XRCC4: variants seen among roughly 807,000 people sequenced by gnomAD.
The protein encoded by XRCC4 is X-ray repair cross complementing 4.
XRCC4 carries 28 observed loss-of-function variants against 39.1 expected under a neutral mutation model. The observed-to-expected ratio is 0.72, with a 90% CI of 0.53 to 0.98. XRCC4 has a LOEUF of 0.98. Ranked by LOEUF, XRCC4 falls within the 50% of genes least tolerant of loss-of-function variation. The probability of loss-of-function intolerance (pLI) is 0.00; values close to 1 mark genes in which losing one functional copy is unlikely to be tolerated. For synonymous variants in XRCC4, 123 were observed against 126.4 expected (o/e 0.97, Z 0.18); for missense variants, 350 against 376.4 (o/e 0.93, Z 0.58).
At chr5:83,284,102 A>C (rs1754654434) in intron 7 of XRCC4, among the ~76,000 whole-genome samples, 1 of 150,892 alleles carries the variant, frequency 6.6e-6, no homozygotes, top group East Asian at 2.0e-4. Context: ...ATGAAAGGTA[A>C]TCAAATACAT....
At chr5:83,243,430 T>C (rs1580416076) in intron 6 of XRCC4, among the ~76,000 whole-genome samples, 1 of 152,360 alleles carries the variant, frequency 6.6e-6, no homozygotes, top group East Asian at 1.9e-4. Flanking sequence ...CCTTCTTCTC[T>C]GTACATACAC....
intron 6 of XRCC4, among the ~76,000 whole-genome samples, chr5:83,253,496 T>TTGTGTG (rs60610512): frequency 1.4e-3 from 206 of 149,694 alleles, no homozygotes; most frequent in African/African-American, 4.8e-3. Context: ...GGGTGTATGT[T>TTGTGTG]TGTGTGTGTG....
At chr5:83,116,563 G>A (rs934136965) in intron 3 of XRCC4, among the ~76,000 whole-genome samples, 4 of 143,144 alleles carry the variant, frequency 2.8e-5, no homozygotes, top group Non-Finnish European at 6.1e-5. Flanking sequence ...TGAAAATCCT[G>A]TCTTATGTTT....
intron 7 of XRCC4, among the ~76,000 whole-genome samples, chr5:83,292,012 G>C (rs1241667357): frequency 6.7e-6 from 1 of 148,476 alleles, no homozygotes; most frequent in Non-Finnish European, 1.5e-5. Context: ...AGAAAGTGTA[G>C]GACTTGAGGA....
chr5:83,326,813 A>G (rs1218961928), intron 7 of XRCC4, among the ~76,000 whole-genome samples: 1 of 152,072 alleles, frequency 6.6e-6, no homozygotes, highest in African/African-American at 2.4e-5. Flanking sequence ...ACAATTTGAC[A>G]CTAGCAAACT....
chr5:83,256,415 A>T (rs569774504), intron 6 of XRCC4, among the ~76,000 whole-genome samples: 1 of 152,288 alleles, frequency 6.6e-6, no homozygotes, highest in Admixed American at 6.5e-5. Flanking sequence ...TTTTATTTTT[A>T]AAAATTTTGC....
intron 7 of XRCC4, among the ~76,000 whole-genome samples, chr5:83,332,837 G>A (rs758766774): frequency 6.6e-6 from 1 of 152,190 alleles, no homozygotes; most frequent in Non-Finnish European, 1.5e-5. Flanking sequence ...AAAAGAAGGA[G>A]AGGCCATTGG....
At chr5:83,278,941 T>G (rs1377550471) in intron 7 of XRCC4, among the ~76,000 whole-genome samples, 1 of 145,362 alleles carries the variant, frequency 6.9e-6, no homozygotes, top group Non-Finnish European at 1.5e-5. Flanking sequence ...TGAGCCGAGA[T>G]CGTGCCACTC....
At chr5:83,241,759 AT>A (rs1752917926) in intron 6 of XRCC4, among the ~76,000 whole-genome samples, 1 of 152,206 alleles carries the variant, frequency 6.6e-6, no homozygotes, top group South Asian at 2.1e-4. Flanking sequence ...CATTTAACAC[AT>A]ATTTTATGTT....
intron 7 of XRCC4, among the ~76,000 whole-genome samples, chr5:83,274,943 G>C (rs1196353915): frequency 6.6e-6 from 1 of 152,158 alleles, no homozygotes; most frequent in Non-Finnish European, 1.5e-5. Flanking sequence ...AAATGGATTT[G>C]GAAGTAAGGA....
chr5:83,260,762 AAT>A (rs1179130959), intron 7 of XRCC4, among the ~76,000 whole-genome samples: 1 of 152,082 alleles, frequency 6.6e-6, no homozygotes, highest in Non-Finnish European at 1.5e-5. Context: ...ATGTTTAGGT[AAT>A]CATGTCAATG....
At chr5:83,251,652 A>T (rs1393366442) in intron 6 of XRCC4, among the ~76,000 whole-genome samples, 1 of 152,052 alleles carries the variant, frequency 6.6e-6, no homozygotes, top group Admixed American at 6.6e-5. Flanking sequence ...GTTTATCCTT[A>T]ATAGCCCACT....
At chr5:83,276,591 G>A (rs184508132) in intron 7 of XRCC4, among the ~76,000 whole-genome samples, 13 of 152,230 alleles carry the variant, frequency 8.5e-5, no homozygotes, top group African/African-American at 2.9e-4. Context: ...GGATTCTACA[G>A]AGGCTTCACC....
intron 1 of XRCC4, among the ~76,000 whole-genome samples, chr5:83,080,027 A>G (rs939039373): frequency 2.6e-5 from 4 of 152,218 alleles, no homozygotes; most frequent in South Asian, 2.1e-4. Flanking sequence ...AATGTTTGGC[A>G]TACAGTAAGC....
At chr5:83,103,899 G>C (rs1212867960) in intron 1 of XRCC4, among the ~76,000 whole-genome samples, 1 of 152,192 alleles carries the variant, frequency 6.6e-6, no homozygotes, top group Admixed American at 6.5e-5. Flanking sequence ...GGAGAGGCCA[G>C]TGGCTAGATT....
Position 83,316,430 on chromosome 5 carries a change from C to A in XRCC4, c.894-36701C>A, listed in dbSNP as rs367996366. ...GGCAAGTTGGATAAAGAGTCAAGACCCATCAGTGTGCTGTATTCAGGAAAC... is the reference window on the plus strand; with the variant it reads ...GGCAAGTTGGATAAAGAGTCAAGACACATCAGTGTGCTGTATTCAGGAAAC... On this transcript the variant is annotated intron_variant, in intron 7 of 7. Coordinates refer to ENST00000396027, the MANE Select transcript of XRCC4 (RefSeq NM_003401.5). 6.4e-4 allele frequency among the ~76,000 whole-genome samples: 97 copies of A among 150,978 alleles called. 2 individuals are homozygous for A. The East Asian group carries it at 0.016, about 24-fold the overall frequency.
At chr5:83,343,295 G>A (rs1329407526) in intron 7 of XRCC4, among the ~76,000 whole-genome samples, 1 of 152,104 alleles carries the variant, frequency 6.6e-6, no homozygotes, top group African/African-American at 2.4e-5. Flanking sequence ...AGCTGCCTCA[G>A]AATGCCCTGC....
At chr5:83,086,950 GA>G (rs1318737023) in intron 1 of XRCC4, among the ~76,000 whole-genome samples, 1 of 152,072 alleles carries the variant, frequency 6.6e-6, no homozygotes, top group Non-Finnish European at 1.5e-5. Flanking sequence ...TAATTTGGTT[GA>G]ATTTTTTTGG....
At chr5:83,349,476 A>T (rs1241603747) in intron 7 of XRCC4, among the ~76,000 whole-genome samples, 3 of 152,240 alleles carry the variant, frequency 2.0e-5, no homozygotes, top group Non-Finnish European at 4.4e-5. Flanking sequence ...ATAAAAGCTC[A>T]ATGATCTCCA....
Sources: gnomAD v4.1 joint callset for allele counts (sites outside exome capture counted in the v4.1 genomes callset) on GRCh38, gnomAD v4.1.1 for gene constraint, MANE v1.5 for transcripts, NCBI Gene and HGNC (gene_info 2026-07-23, HGNC 2026-07-21) for gene names.